Variants in N4BP2 observed in about 807,000 individuals in gnomAD.
N4BP2 encodes NEDD4-binding protein 2.
N4BP2 carries 91 observed loss-of-function variants against 152.8 expected under a neutral mutation model. The observed-to-expected ratio is 0.60, with a 90% confidence interval of 0.50 to 0.71. N4BP2 has a LOEUF of 0.71. N4BP2 is among the 30% of genes least tolerant of loss of function. N4BP2 has a pLI of 0.00. For synonymous variants in N4BP2, 646 were observed against 705.3 expected (o/e 0.92, Z 1.33); for missense variants, 1,923 against 2,059.1 (o/e 0.93, Z 1.28).
intron 12 of N4BP2, among the ~76,000 whole-genome samples, chr4:40,130,109 G>T (rs28530746): frequency 1.3e-5 from 2 of 151,872 alleles, no homozygotes; most frequent in Non-Finnish European, 2.9e-5. Context: ...GTGCAGTGGC[G>T]CAATCTCCTG....
At chr4:40,159,073 C>G (rs1315395795), downstream of N4BP2, among the ~76,000 whole-genome samples, 4 of 152,092 alleles carry the variant, frequency 2.6e-5, no homozygotes, top group African/African-American at 9.7e-5. Flanking sequence ...AGTGCTATCC[C>G]AATTTAATGA....
chr4:40,117,884 G>C lies in N4BP2; in HGVS notation c.1680G>C (p.Gly560=). 2 of 1,607,714 alleles carry C rather than the reference G, an allele frequency of 1.2e-6. No homozygotes were observed. The highest frequency in any genetic ancestry group is 2.2e-5 in the South Asian group (2 of 89,732). The change falls in exon 8 of 18, where the codon GGG becomes GGC. Residue 560 remains glycine (G), a synonymous_variant. Coordinates refer to ENST00000261435, the MANE Select transcript of N4BP2 (RefSeq NM_018177.6). ...GAATTTTCAGGCGTAACATTCATGG[G>C]GTAAGCAAAGAAAAAATAACAAGAA... ...PKELARRNIH[G]VSKEKITRML...
intron 6 of N4BP2, among the ~76,000 whole-genome samples, chr4:40,113,167 G>C (rs1191758867): frequency 6.6e-6 from 1 of 151,882 alleles, no homozygotes; most frequent in Non-Finnish European, 1.5e-5. Flanking sequence ...GTATCCTTTT[G>C]CTGTTACAAA....
chr4:40,163,369 A>G, the N4BP2 span, among the ~76,000 whole-genome samples: 12 of 152,224 alleles, frequency 7.9e-5, no homozygotes, highest in African/African-American at 2.9e-4. Flanking sequence ...ATCTGGTGGC[A>G]GTGGGCTCAG....
At position 40,153,391 on chromosome 4, in the gene N4BP2, G is replaced by A. The variant is rs190110376; in HGVS notation, c.5267+488G>A. ...TGAAATATAGTTATAATTTAGGTAC[G>A]TTTAAACTTTAGCAGAAATGTTCAG... On this transcript the variant is annotated intron_variant, in intron 17 of 17. Transcript: ENST00000261435. Among the ~76,000 whole-genome samples the A allele has an allele frequency of 2.9e-3, 448 of 152,258 alleles. 4 individuals carry two copies. Among genetic ancestry groups the A allele is most frequent in the African/African-American group, 0.01 (428 of 41,550 alleles).
chr4:40,057,997 A>G (rs1308827694), intron 1 of N4BP2, among the ~76,000 whole-genome samples: 1 of 152,058 alleles, frequency 6.6e-6, no homozygotes, highest in African/African-American at 2.4e-5. Context: ...TTTCTACTCG[A>G]CATCTTTGAG....
At chr4:40,142,494 G>A in intron 14 of N4BP2, 179 bp from the exon 15 acceptor site, 1 of 560,414 alleles carries the variant, frequency 1.8e-6, no homozygotes, top group East Asian at 2.9e-5. Context: ...GCATAAAAAA[G>A]TTAATGATAG....
intron 15 of N4BP2, among the ~76,000 whole-genome samples, 197 bp downstream of exon 15, chr4:40,143,058 T>C (rs1720188195): frequency 6.6e-6 from 1 of 152,190 alleles, no homozygotes; most frequent in Non-Finnish European, 1.5e-5. Context: ...GCATTTGAAA[T>C]GCTCAGTTTC....
chr4:40,141,711 C>T (rs1267567294), intron 14 of N4BP2, among the ~76,000 whole-genome samples: 5 of 152,182 alleles, frequency 3.3e-5, no homozygotes, highest in African/African-American at 9.7e-5. Context: ...CTGCAATCTC[C>T]GGCACTTTGG....
intron 14 of N4BP2, among the ~76,000 whole-genome samples, chr4:40,140,067 C>T (rs1719776500): frequency 6.6e-6 from 1 of 152,124 alleles, no homozygotes; most frequent in Non-Finnish European, 1.5e-5. Flanking sequence ...GCTGGGATTA[C>T]AGGCGTGAGC....
chr4:40,069,075 G>A (rs1196727002), intron 1 of N4BP2, among the ~76,000 whole-genome samples: 1 of 151,054 alleles, frequency 6.6e-6, no homozygotes, highest in Non-Finnish European at 1.5e-5. Context: ...AGCCGGGATC[G>A]CGCCACTGCA....
Position 40,121,067 on chromosome 4 carries a change from G to A in N4BP2, c.2956G>A (p.Val986Ile). ...PLTFTNSAPT[V>I]SGVVEPQTLA... is the part of the protein sequence containing the mutation. ...TACTTTTACCAATAGTGCACCAACT[G>A]TTTCTGGAGTAGTAGAACCACAAAC... Residue 986 changes from valine (V) to isoleucine (I), a missense_variant, in exon 9 of 18, where the codon GTT becomes ATT. Transcript: ENST00000261435. 6.2e-7 allele frequency: 1 copy of A among 1,614,078 alleles called. No individual in the cohort carries two copies. The highest frequency in any genetic ancestry group is 8.5e-7 in the Non-Finnish European group (1 of 1,180,006).
intron 2 of N4BP2, among the ~76,000 whole-genome samples, chr4:40,077,141 A>G (rs1378712188): frequency 2.7e-5 from 4 of 149,980 alleles, no homozygotes; most frequent in African/African-American, 7.3e-5. Flanking sequence ...TGTAGAATAT[A>G]TATGTGTGTG....
chr4:40,152,957 C>G, intron 17 of N4BP2, 54 bp downstream of exon 17: 1 of 1,572,636 alleles, frequency 6.4e-7, no homozygotes, highest in South Asian at 1.1e-5. Flanking sequence ...AGATCTTTAT[C>G]AGATATTTCT....
intron 1 of N4BP2, among the ~76,000 whole-genome samples, chr4:40,064,600 T>G (rs367809875): frequency 2.6e-5 from 4 of 152,088 alleles, no homozygotes; most frequent in African/African-American, 9.6e-5. Flanking sequence ...AGCTCTTGTT[T>G]GCTAAATAAA....
At chr4:40,059,940 A>G (rs1014143082) in intron 1 of N4BP2, among the ~76,000 whole-genome samples, 2 of 152,136 alleles carry the variant, frequency 1.3e-5, no homozygotes, top group Non-Finnish European at 2.9e-5. Context: ...AGTGTTATGT[A>G]TGTATCAGGT....
Position 40,097,323 on chromosome 4 carries a change from T to G in N4BP2, c.-18T>G. ...TCTTAACTAAGAAAAGGGAAACATTTTAGTTTTGGAAGTCAGAATGCCAAG... is the reference window on the plus strand; with the variant it reads ...TCTTAACTAAGAAAAGGGAAACATTGTAGTTTTGGAAGTCAGAATGCCAAG... On this transcript the variant is annotated 5_prime_UTR_variant, in exon 3 of 18. Transcript: ENST00000261435. 6.3e-7 allele frequency: 1 copy of G among 1,599,424 alleles called. No homozygotes were observed. The highest frequency in any genetic ancestry group is 8.6e-7 in the Non-Finnish European group (1 of 1,167,538).
At chr4:40,087,568 T>A (rs1401095988) in intron 2 of N4BP2, among the ~76,000 whole-genome samples, 1 of 151,888 alleles carries the variant, frequency 6.6e-6, no homozygotes, top group East Asian at 1.9e-4. Flanking sequence ...TTTTGCCATG[T>A]TGCGTAGGCT....
At chr4:40,127,902 CCA>C (rs528498867) in intron 12 of N4BP2, among the ~76,000 whole-genome samples, 98 of 152,298 alleles carry the variant, frequency 6.4e-4, no homozygotes, top group African/African-American at 2.2e-3. Flanking sequence ...ACCTTGTGAT[CCA>C]CCTGCCTCGG....
Sources: allele counts gnomAD v4.1 joint callset (sites outside exome capture counted in the v4.1 genomes callset), GRCh38; gene constraint gnomAD v4.1.1; transcripts MANE v1.5; gene names NCBI Gene and HGNC (gene_info 2026-07-23, HGNC 2026-07-21).